STAG1: variants seen among roughly 807,000 people sequenced by gnomAD.
The protein encoded by STAG1 is STAG1 cohesin complex component, also known as cohesin subunit SA-1.
STAG1 carries 26 observed loss-of-function variants against 170.9 expected under a neutral mutation model. The observed-to-expected ratio is 0.15, with a 90% CI of 0.11 to 0.21. STAG1 has a LOEUF of 0.21. STAG1 is among the 10% of genes least tolerant of loss of function. The probability of loss-of-function intolerance (pLI) is 1.00; values close to 1 mark genes in which losing one functional copy is unlikely to be tolerated. For missense variants in STAG1, 964 were observed against 1,509.5 expected, an observed-to-expected ratio of 0.64 and a Z score of 5.99; for synonymous variants, 514 against 497.7, an observed-to-expected ratio of 1.03 and a Z score of -0.44.
intron 1 of STAG1, among the ~76,000 whole-genome samples, chr3:136,751,439 G>T (rs537074222): frequency 6.6e-6 from 1 of 151,778 alleles, no homozygotes; most frequent in East Asian, 1.9e-4. Flanking sequence ...CTCGAGAAAG[G>T]AGGGAAAACA....
chr3:136,713,928 C>CA (rs1436651640), intron 1 of STAG1, among the ~76,000 whole-genome samples: 1 of 151,832 alleles, frequency 6.6e-6, no homozygotes, highest in Non-Finnish European at 1.5e-5. Context: ...GTGCCTGAGG[C>CA]AGGGAGAATC....
intron 10 of STAG1, among the ~76,000 whole-genome samples, chr3:136,474,308 G>A (rs935085961): frequency 6.6e-6 from 1 of 152,188 alleles, no homozygotes; most frequent in African/African-American, 2.4e-5. Context: ...GCTATGTGCT[G>A]TAACAGCAGG....
intron 1 of STAG1, among the ~76,000 whole-genome samples, chr3:136,693,779 G>T (rs900396687): frequency 6.6e-6 from 1 of 151,700 alleles, no homozygotes; most frequent in African/African-American, 2.4e-5. Context: ...TATGTTGCCA[G>T]GCTGGTATCA....
intron 1 of STAG1, among the ~76,000 whole-genome samples, chr3:136,699,597 T>G (rs1942990158): frequency 6.6e-6 from 1 of 151,912 alleles, no homozygotes; most frequent in South Asian, 2.1e-4. Flanking sequence ...CATTCTGGAT[T>G]ACCAGGGTGA....
At chr3:136,503,503 T>G (rs536095321) in intron 7 of STAG1, among the ~76,000 whole-genome samples, 88 of 152,338 alleles carry the variant, frequency 5.8e-4, no homozygotes, top group African/African-American at 1.9e-3. Context: ...TGTTCATATT[T>G]GTTTTCATCA....
intron 21 of STAG1, among the ~76,000 whole-genome samples, chr3:136,408,002 A>C (rs1401549645): frequency 2.0e-5 from 3 of 152,150 alleles, no homozygotes; most frequent in Non-Finnish European, 4.4e-5. Flanking sequence ...TGAGAAAGCC[A>C]CTGTTCATAG....
chr3:136,462,601 C>G (rs9850383), intron 13 of STAG1, among the ~76,000 whole-genome samples: 56,896 of 151,860 alleles, frequency 0.37, 11,795 homozygotes, highest in African/African-American at 0.56. Flanking sequence ...GTGTTTGATA[C>G]CACAGTAGGG....
chr3:136,367,210 T>A (rs1215295460), intron 24 of STAG1, 128 bp from the exon 25 acceptor site: 2 of 755,468 alleles, frequency 2.6e-6, no homozygotes, highest in African/African-American at 3.5e-5. Flanking sequence ...CAGTTTTAGA[T>A]GGGACAAAAA....
At chr3:136,477,870 A>C (rs2089794204) in intron 9 of STAG1, among the ~76,000 whole-genome samples, 1 of 152,142 alleles carries the variant, frequency 6.6e-6, no homozygotes, top group Non-Finnish European at 1.5e-5. Flanking sequence ...GGCTGACTGC[A>C]ACCTCTGCCT....
At chr3:136,648,423 A>C (rs139413785) in intron 1 of STAG1, among the ~76,000 whole-genome samples, 20 of 152,256 alleles carry the variant, frequency 1.3e-4, no homozygotes, top group Admixed American at 1.2e-3. Context: ...GCACCTGATG[A>C]CTCCAACATC....
At chr3:136,573,036 G>A (rs993752313) in intron 4 of STAG1, among the ~76,000 whole-genome samples, 3 of 151,986 alleles carry the variant, frequency 2.0e-5, no homozygotes, top group Admixed American at 2.0e-4. Context: ...ATAATTAGTT[G>A]GGCACAGTGG....
chr3:136,671,262 C>A (rs1345410512), intron 1 of STAG1, among the ~76,000 whole-genome samples: 1 of 151,870 alleles, frequency 6.6e-6, no homozygotes, highest in East Asian at 1.9e-4. Flanking sequence ...CCACCCTGGG[C>A]AACAGAGCGA....
chr3:136,362,605 C>CAAAAAAAAA (rs1237413699), intron 26 of STAG1, among the ~76,000 whole-genome samples: 4 of 42,306 alleles, frequency 9.5e-5, no homozygotes, highest in South Asian at 8.0e-4. Context: ...ATCATCTCTG[C>CAAAAAAAAA]AAAAAAAAAA....
chr3:136,621,517 C>T (rs986086413), intron 3 of STAG1, among the ~76,000 whole-genome samples: 2 of 152,088 alleles, frequency 1.3e-5, no homozygotes, highest in Non-Finnish European at 2.9e-5. Flanking sequence ...CTCACTTTTC[C>T]CAAAATACGT....
chr3:136,441,226 T>G (rs2088622172), intron 15 of STAG1, among the ~76,000 whole-genome samples: 1 of 151,906 alleles, frequency 6.6e-6, no homozygotes, highest in Non-Finnish European at 1.5e-5. Context: ...AGAGACGGGG[T>G]TTTGCCATAT....
chr3:136,688,207 C>CT (rs1942601601), intron 1 of STAG1, among the ~76,000 whole-genome samples: 1 of 152,014 alleles, frequency 6.6e-6, no homozygotes, highest in African/African-American at 2.4e-5. Context: ...GAGTCAATAC[C>CT]TTTCAGCATG....
intron 9 of STAG1, among the ~76,000 whole-genome samples, chr3:136,491,345 C>T (rs2090121711): frequency 6.6e-6 from 1 of 152,138 alleles, no homozygotes; most frequent in Non-Finnish European, 1.5e-5. Context: ...ACTACCCTTC[C>T]CATATCAGAA....
intron 16 of STAG1, among the ~76,000 whole-genome samples, chr3:136,431,909 T>C (rs1371709024): frequency 6.6e-6 from 1 of 152,212 alleles, no homozygotes; most frequent in African/African-American, 2.4e-5. Context: ...GTTTATTTTA[T>C]TTGGATTTTG....
chr3:136,748,992 T>C (rs1036704905), intron 1 of STAG1, among the ~76,000 whole-genome samples: 1 of 152,172 alleles, frequency 6.6e-6, no homozygotes, highest in Non-Finnish European at 1.5e-5. Flanking sequence ...TCTCCTTGTA[T>C]GTCCGGAATC....
Sources: gnomAD v4.1 joint callset for allele counts (sites outside exome capture counted in the v4.1 genomes callset) on GRCh38, gnomAD v4.1.1 for gene constraint, MANE v1.5 for transcripts, NCBI Gene and HGNC (gene_info 2026-07-23, HGNC 2026-07-21) for gene names.